Variants in RAD51C observed in about 807,000 individuals in gnomAD.
RAD51C encodes the protein RAD51 paralog C, also known as DNA repair protein RAD51 homolog 3.
Under a neutral mutation model 45.0 loss-of-function variants are expected in RAD51C, and 42 were observed. The ratio of observed to expected loss-of-function variants is 0.93; its 90% CI spans 0.73 to 1.21. The LOEUF (loss-of-function observed/expected upper bound fraction) is 1.21, where lower values mean the gene tolerates loss of function less well. RAD51C is among the 50% of genes most tolerant of loss of function. The pLI is 0.00. For synonymous variants in RAD51C, 172 were observed against 159.8 expected (o/e 1.08, Z -0.58); for missense variants, 474 against 452.2 (o/e 1.05, Z -0.44).
chr17:58,700,827 A>G (rs1234070308), intron 3 of RAD51C, among the ~76,000 whole-genome samples: 1 of 152,140 alleles, frequency 6.6e-6, no homozygotes, highest in African/African-American at 2.4e-5. Context: ...GCAATAGGAA[A>G]TGTTTTCTAT....
In RAD51C at chr17:58,696,874, G is replaced by GCA. The variant is rs370506962; in HGVS notation, c.571+15_571+16insCA. 9 of 1,613,296 alleles carry GCA rather than the reference G, an allele frequency of 5.6e-6. No homozygotes were observed. In the East Asian group the frequency reaches 2.0e-4, roughly 36 times the overall value. On this transcript the variant is annotated intron_variant, in intron 3 of 8. Coordinates refer to ENST00000337432, the MANE Select transcript of RAD51C (RefSeq NM_058216.3). ...CAAGGGAGAGGGTAAGTTAGTAAATGATCTTCTTTTTTTCTGTATTAATAA... is the reference window on the plus strand; with the variant it reads ...CAAGGGAGAGGGTAAGTTAGTAAATGCAATCTTCTTTTTTTCTGTATTAATAA...
chr17:58,706,742 G>T, intron 4 of RAD51C: 2 of 213,594 alleles, frequency 9.4e-6, no homozygotes. Context: ...AACAGCCTTC[G>T]TTCATTCTTT....
chr17:58,730,276 T>C (rs1233854845), intron 7 of RAD51C, among the ~76,000 whole-genome samples: 3 of 149,480 alleles, frequency 2.0e-5, no homozygotes, highest in African/African-American at 7.4e-5. Context: ...GTGATTCTCC[T>C]ACCTCAGCCT....
intron 7 of RAD51C, among the ~76,000 whole-genome samples, chr17:58,726,261 A>G (rs569612609): frequency 6.6e-6 from 1 of 151,746 alleles, no homozygotes; most frequent in African/African-American, 2.4e-5. Context: ...TATTATTATT[A>G]AAAGAAAACC....
chr17:58,730,366 TG>T (rs1211050072), intron 7 of RAD51C, among the ~76,000 whole-genome samples: 2 of 148,228 alleles, frequency 1.3e-5, no homozygotes, highest in African/African-American at 5.0e-5. Flanking sequence ...TTAGTAGAGA[TG>T]GGGGTTTCAC....
intron 5 of RAD51C, among the ~76,000 whole-genome samples, chr17:58,716,927 A>C (rs2048759569): frequency 6.6e-6 from 1 of 151,856 alleles, no homozygotes; most frequent in Non-Finnish European, 1.5e-5. Context: ...CAGCCTCCTG[A>C]GTAGCTGGGA....
At chr17:58,705,241 G>C (rs991186703) in intron 4 of RAD51C, among the ~76,000 whole-genome samples, 2 of 151,950 alleles carry the variant, frequency 1.3e-5, no homozygotes, top group Non-Finnish European at 2.9e-5. Context: ...TTCTGGCAAG[G>C]GCTTTCTTCC....
At chr17:58,729,511 G>A (rs548009825) in intron 7 of RAD51C, among the ~76,000 whole-genome samples, 20 of 152,014 alleles carry the variant, frequency 1.3e-4, no homozygotes, top group South Asian at 4.2e-4. Flanking sequence ...CACCGCGCCC[G>A]GCCTGAGGAT....
rs141621051 is a variant in RAD51C at position 58,696,875 on chromosome 17, A to G, written c.571+16A>G. ...AAGGGAGAGGGTAAGTTAGTAAATG[A>G]TCTTCTTTTTTTCTGTATTAATAAA... On this transcript the variant is annotated intron_variant, in intron 3 of 8. Transcript: ENST00000337432. 6.4e-5 allele frequency: 104 copies of G among 1,613,274 alleles called. No individual in the cohort carries two copies. In the African/African-American group the frequency reaches 1.2e-3, roughly 18 times the overall value.
chr17:58,724,962 C>T (rs1306191236), intron 7 of RAD51C, among the ~76,000 whole-genome samples: 2 of 151,956 alleles, frequency 1.3e-5, no homozygotes, highest in African/African-American at 4.8e-5. Flanking sequence ...CTTTGTTGTT[C>T]TACAAACTGA....
intron 2 of RAD51C, chr17:58,695,450 G>A (rs1023832430): frequency 1.3e-5 from 12 of 921,462 alleles, no homozygotes; most frequent in Admixed American, 4.0e-5. Context: ...AAGTTTCTGC[G>A]TTATTCATTC....
intron 7 of RAD51C, among the ~76,000 whole-genome samples, chr17:58,729,206 AT>A (rs1310798995): frequency 3.3e-5 from 5 of 151,938 alleles, no homozygotes; most frequent in African/African-American, 9.7e-5. Flanking sequence ...TTTGAGGATG[AT>A]TTTTTTGTTT....
intron 7 of RAD51C, among the ~76,000 whole-genome samples, chr17:58,731,907 G>A (rs758045379): frequency 2.0e-5 from 3 of 151,810 alleles, no homozygotes; most frequent in South Asian, 2.1e-4. Flanking sequence ...AAACAATGTC[G>A]TCCTAGCTAT....
intron 7 of RAD51C, among the ~76,000 whole-genome samples, chr17:58,726,479 GA>G: frequency 1.6e-5 from 2 of 121,618 alleles, no homozygotes; most frequent in South Asian, 4.9e-4. Context: ...TATACGTATA[GA>G]TGTATATACA....
chr17:58,692,799 C>G lies in RAD51C; in HGVS notation c.145+11C>G, dbSNP rs1263551026. On this transcript the variant is annotated intron_variant, in intron 1 of 8. Coordinates refer to ENST00000337432, the MANE Select transcript of RAD51C (RefSeq NM_058216.3). ...CCGAGCTTAGCAAAGGTAACGACTC[C>G]TGATGGCAAGCTGAGGCACACCGGC... 20 of 1,614,066 alleles carry G rather than the reference C, an allele frequency of 1.2e-5. No individual in the cohort carries two copies. Among genetic ancestry groups the G allele is most frequent in the Non-Finnish European group, 1.5e-5 (18 of 1,180,038 alleles).
intron 8 of RAD51C, among the ~76,000 whole-genome samples, chr17:58,733,109 T>G (rs1329352746): frequency 1.3e-5 from 2 of 152,052 alleles, no homozygotes; most frequent in Non-Finnish European, 2.9e-5. Flanking sequence ...TCCGCCCTAC[T>G]GGTTTAAGCA....
intron 7 of RAD51C, among the ~76,000 whole-genome samples, chr17:58,726,681 T>G (rs866978657): frequency 6.6e-6 from 1 of 151,742 alleles, no homozygotes; most frequent in Non-Finnish European, 1.5e-5. Flanking sequence ...CGTATGTATA[T>G]GTGTGTGTAT....
chr17:58,726,974 C>T (rs1360924339), intron 7 of RAD51C, among the ~76,000 whole-genome samples: 1 of 152,204 alleles, frequency 6.6e-6, no homozygotes, highest in East Asian at 1.9e-4. Flanking sequence ...GCGCCTGCCA[C>T]CACGCCCAGC....
chr17:58,709,214 G>T (rs1329536541), intron 4 of RAD51C, among the ~76,000 whole-genome samples: 2 of 151,392 alleles, frequency 1.3e-5, no homozygotes, highest in African/African-American at 4.9e-5. Context: ...GAGTACCTGG[G>T]ATTACAGGTG....
Sources: gnomAD v4.1 joint callset for allele counts (sites outside exome capture counted in the v4.1 genomes callset) on GRCh38, gnomAD v4.1.1 for gene constraint, MANE v1.5 for transcripts, NCBI Gene and HGNC (gene_info 2026-07-23, HGNC 2026-07-21) for gene names.